Variants in RBFOX1 observed in about 807,000 individuals in gnomAD.
RBFOX1 encodes the protein RNA binding protein fox-1 homolog 1.
RBFOX1 carries 8 observed loss-of-function variants against 57.7 expected under a neutral mutation model. The observed-to-expected ratio is 0.14, with a 90% CI of 0.08 to 0.25. The LOEUF (loss-of-function observed/expected upper bound fraction) is 0.25, where lower values mean the gene tolerates loss of function less well. RBFOX1 is among the 10% of genes least tolerant of loss of function. RBFOX1 has a pLI of 1.00. For synonymous variants in RBFOX1, 326 were observed against 222.4 expected (o/e 1.47, Z -4.15); for missense variants, 611 against 548.5 (o/e 1.11, Z -1.14).
At chr16:6,756,720 C>G (rs377564257) in intron 3 of RBFOX1, among the ~76,000 whole-genome samples, 8 of 152,014 alleles carry the variant, frequency 5.3e-5, no homozygotes, top group African/African-American at 1.9e-4. Context: ...GCCTGTAATC[C>G]CAACACTTTG....
At position 5,908,085 on chromosome 16, in the gene RBFOX1, T is replaced by C. The variant is rs62013863; in HGVS notation, c.351+40750T>C. On this transcript the variant is annotated intron_variant, in intron 4 of 19. Transcript: ENST00000641259. ...ATGTGTGTATGTATATATATATATA[T>C]ACACATATATACACATATATATATA... 3.4e-3 allele frequency among the ~76,000 whole-genome samples: 187 copies of C among 54,786 alleles called. 4 individuals are homozygous for C. The East Asian group carries it at 0.046, about 13-fold the overall frequency. 35.9% of individuals were successfully genotyped at this position (54,786 alleles called of 152,430 possible).
intron 1 of RBFOX1, among the ~76,000 whole-genome samples, chr16:6,143,558 A>C (rs1445236858): frequency 6.6e-6 from 1 of 152,166 alleles, no homozygotes; most frequent in Non-Finnish European, 1.5e-5. Context: ...TTTATAGCTA[A>C]AGGACACTTA....
intron 4 of RBFOX1, among the ~76,000 whole-genome samples, chr16:7,143,009 G>T (rs948368752): frequency 3.3e-5 from 5 of 151,862 alleles, no homozygotes; most frequent in Non-Finnish European, 7.4e-5. Flanking sequence ...GTGGTTGAGA[G>T]TGCTTTAGGA....
chr16:6,102,790 A>G (rs1316959060), intron 1 of RBFOX1, among the ~76,000 whole-genome samples: 1 of 152,062 alleles, frequency 6.6e-6, no homozygotes, highest in Non-Finnish European at 1.5e-5. Flanking sequence ...TTCATTTTAG[A>G]GTAGGTCCTG....
At chr16:5,457,901 CT>C (rs1385002864) in intron 1 of RBFOX1, among the ~76,000 whole-genome samples, 1 of 152,170 alleles carries the variant, frequency 6.6e-6, no homozygotes, top group Non-Finnish European at 1.5e-5. Context: ...CCCTCCTTAA[CT>C]ATATGAATAA....
intron 4 of RBFOX1, among the ~76,000 whole-genome samples, chr16:7,218,611 G>C (rs1195011191): frequency 1.4e-5 from 2 of 144,134 alleles, no homozygotes; most frequent in Admixed American, 1.4e-4. Context: ...ATTTGACTTA[G>C]GGTTTGTGGG....
intron 3 of RBFOX1, among the ~76,000 whole-genome samples, chr16:5,667,450 A>G (rs563753403): frequency 7.2e-5 from 11 of 152,288 alleles, no homozygotes; most frequent in Admixed American, 3.3e-4. Flanking sequence ...TAAAATTAGC[A>G]AGTATGCAGA....
At chr16:6,500,085 T>C (rs1051983047) in intron 2 of RBFOX1, among the ~76,000 whole-genome samples, 4 of 152,222 alleles carry the variant, frequency 2.6e-5, no homozygotes, top group Non-Finnish European at 5.9e-5. Flanking sequence ...TCATTTCCTT[T>C]GGTTAAAAAA....
chr16:6,520,672 T>C (rs2096481471), intron 2 of RBFOX1, among the ~76,000 whole-genome samples: 1 of 152,218 alleles, frequency 6.6e-6, no homozygotes, highest in Admixed American at 6.5e-5. Context: ...AGGACAGTTC[T>C]GCAGGGCCTC....
At chr16:7,680,868 A>C (rs2146692013) in intron 14 of RBFOX1, among the ~76,000 whole-genome samples, 1 of 152,222 alleles carries the variant, frequency 6.6e-6, no homozygotes, top group South Asian at 2.1e-4. Flanking sequence ...TCCAAATAAA[A>C]TGCCATATTA....
At chr16:7,665,225 T>C (rs994697130) in intron 13 of RBFOX1, among the ~76,000 whole-genome samples, 1 of 152,158 alleles carries the variant, frequency 6.6e-6, no homozygotes, top group African/African-American at 2.4e-5. Flanking sequence ...AAAGGTGGCA[T>C]TTCTTTCATG....
chr16:6,946,348 G>C (rs1048408846), intron 3 of RBFOX1, among the ~76,000 whole-genome samples: 6 of 152,196 alleles, frequency 3.9e-5, no homozygotes, highest in Admixed American at 6.5e-5. Flanking sequence ...GCCAGGTCTG[G>C]CCAGCTGGCC....
chr16:5,672,057 G>A (rs965368650), intron 3 of RBFOX1, among the ~76,000 whole-genome samples: 26 of 152,300 alleles, frequency 1.7e-4, no homozygotes, highest in Non-Finnish European at 2.8e-4. Context: ...AAAAAGGGGT[G>A]CAACTTTCTT....
chr16:5,455,894 A>C (rs1432696510), intron 1 of RBFOX1, among the ~76,000 whole-genome samples: 1 of 152,092 alleles, frequency 6.6e-6, no homozygotes, highest in Non-Finnish European at 1.5e-5. Context: ...TATATCCTTC[A>C]CGTTGGGGTG....
chr16:7,360,679 C>T (rs942780111), intron 4 of RBFOX1, among the ~76,000 whole-genome samples: 2 of 152,176 alleles, frequency 1.3e-5, no homozygotes, highest in Non-Finnish European at 2.9e-5. Context: ...GCCTGTGTCC[C>T]TGGGATCTGT....
Position 6,444,695 on chromosome 16 carries a change from G to A in RBFOX1, c.-64+127638G>A, listed in dbSNP as rs577452220. ...CAGGGTTAAAATGGACTAATACAAG[G>A]CACAATAAGAAGAAAAGGCCAAAGA... On this transcript the variant is annotated intron_variant, in intron 2 of 15. Transcript: ENST00000550418. Among the ~76,000 whole-genome samples the A allele has an allele frequency of 2.6e-5, 4 of 152,126 alleles. No individual in the cohort carries two copies. In the South Asian group the frequency reaches 8.3e-4, roughly 32 times the overall value.
At chr16:7,653,447 A>G (rs576529609) in intron 11 of RBFOX1, among the ~76,000 whole-genome samples, 174 of 152,308 alleles carry the variant, frequency 1.1e-3, no homozygotes, top group African/African-American at 4.0e-3. Flanking sequence ...TCGAGGGTGC[A>G]GTGAGCCGTG....
intron 4 of RBFOX1, among the ~76,000 whole-genome samples, chr16:7,268,386 C>T (rs549638877): frequency 1.8e-4 from 27 of 152,306 alleles, no homozygotes; most frequent in African/African-American, 6.5e-4. Flanking sequence ...AGGACTCGCT[C>T]TCACTCTTAC....
At chr16:7,456,998 C>G (rs1282770601) in intron 4 of RBFOX1, among the ~76,000 whole-genome samples, 3 of 152,006 alleles carry the variant, frequency 2.0e-5, no homozygotes, top group East Asian at 1.9e-4. Context: ...CCAAGCAATT[C>G]TGCCTCAGCC....
Sources: allele counts gnomAD v4.1 joint callset (sites outside exome capture counted in the v4.1 genomes callset), GRCh38; gene constraint gnomAD v4.1.1; transcripts MANE v1.5; gene names NCBI Gene and HGNC (gene_info 2026-07-23, HGNC 2026-07-21).